ATP11B: variants seen among roughly 807,000 people sequenced by gnomAD.
ATP11B encodes ATPase phospholipid transporting 11B (putative).
ATP11B carries 81 observed loss-of-function variants against 157.8 expected under a neutral mutation model. The ratio of observed to expected loss-of-function variants is 0.51; its 90% confidence interval spans 0.43 to 0.62. The LOEUF (loss-of-function observed/expected upper bound fraction) is 0.62, where lower values mean the gene tolerates loss of function less well. ATP11B is among the 20% of genes least tolerant of loss of function. The pLI is 0.00. For missense variants in ATP11B, 1,165 were observed against 1,402.2 expected, an observed-to-expected ratio of 0.83 and a Z score of 2.70; for synonymous variants, 451 against 469.4, an observed-to-expected ratio of 0.96 and a Z score of 0.51.
chr3:182,841,997 A>AAC, intron 7 of ATP11B, 78 bp from the exon 8 acceptor site: 5 of 911,622 alleles, frequency 5.5e-6, no homozygotes, highest in African/African-American at 1.7e-5. Context: ...AAAAAAAAAA[A>AAC]CAAAGGATGG....
intron 11 of ATP11B, 121 bp downstream of exon 11, chr3:182,858,149 G>C (rs1476838209): frequency 1.2e-6 from 1 of 858,000 alleles, no homozygotes; most frequent in African/African-American, 1.7e-5. Context: ...GTACTGAAGG[G>C]TGACAGAAAT....
At chr3:182,845,004 TTATTTTTTTTTA>T (rs1719373995) in intron 8 of ATP11B, among the ~76,000 whole-genome samples, 1 of 119,346 alleles carries the variant, frequency 8.4e-6, no homozygotes, top group African/African-American at 3.6e-5. Flanking sequence ...ATTTTTTTTT[TTATTTTTTTTTA>T]TTTTTGAGAT....
intron 10 of ATP11B, among the ~76,000 whole-genome samples, chr3:182,848,970 A>T (rs1362738237): frequency 1.3e-5 from 2 of 152,138 alleles, no homozygotes; most frequent in African/African-American, 4.8e-5. Flanking sequence ...GCCTGAGGGC[A>T]CTCCCCAGTT....
intron 25 of ATP11B, among the ~76,000 whole-genome samples, chr3:182,895,626 G>GAC (rs1434905511): frequency 1.3e-5 from 2 of 152,104 alleles, no homozygotes; most frequent in Non-Finnish European, 2.9e-5. Context: ...GTTAAAGAAA[G>GAC]ACACACACAC....
At chr3:182,846,027 G>C (rs2108520085) in intron 9 of ATP11B, among the ~76,000 whole-genome samples, 1 of 152,310 alleles carries the variant, frequency 6.6e-6, no homozygotes, top group African/African-American at 2.4e-5. Flanking sequence ...GGATCAAAAG[G>C]ATGAATAAGT....
intron 1 of ATP11B, among the ~76,000 whole-genome samples, chr3:182,818,777 ATTAC>A (rs1291092695): frequency 6.6e-6 from 1 of 152,180 alleles, no homozygotes; most frequent in African/African-American, 2.4e-5. Flanking sequence ...TGGTAGCCAA[ATTAC>A]TTACGTAGTA....
intron 28 of ATP11B, among the ~76,000 whole-genome samples, chr3:182,910,405 GTC>G (rs1449585700): frequency 6.6e-6 from 1 of 151,930 alleles, no homozygotes; most frequent in Admixed American, 6.6e-5. Context: ...GTAAGACCCT[GTC>G]TCTACTAAAA....
intron 29 of ATP11B, chr3:182,916,568 A>G (rs1406137296): frequency 7.1e-6 from 7 of 985,276 alleles, no homozygotes; most frequent in Non-Finnish European, 8.4e-6. Context: ...GATTTTAGCA[A>G]TAAAAGATTT....
chr3:182,868,950 A>G (rs117690844), intron 15 of ATP11B, 128 bp from the exon 16 acceptor site: 3 of 593,594 alleles, frequency 5.1e-6, no homozygotes, highest in Non-Finnish European at 8.8e-6. Flanking sequence ...ACCTATCATC[A>G]TGAAAATGGT....
At chr3:182,852,686 C>T (rs1345491417) in intron 10 of ATP11B, among the ~76,000 whole-genome samples, 2 of 152,196 alleles carry the variant, frequency 1.3e-5, no homozygotes, top group Admixed American at 6.5e-5. Context: ...CACCCTTACC[C>T]GTCTCCCGCA....
At chr3:182,908,082 G>T (rs1724498262) in intron 28 of ATP11B, among the ~76,000 whole-genome samples, 1 of 150,876 alleles carries the variant, frequency 6.6e-6, no homozygotes, top group African/African-American at 2.4e-5. Flanking sequence ...TGTTATTTAT[G>T]TAACCAGTAG....
At chr3:182,906,790 AAGAAG>A (rs1724391576) in intron 28 of ATP11B, among the ~76,000 whole-genome samples, 1 of 149,828 alleles carries the variant, frequency 6.7e-6, no homozygotes. Flanking sequence ...AAAAAAAAAA[AAGAAG>A]AAGAAGAAGA....
At position 182,887,580 on chromosome 3, in the gene ATP11B, T is replaced by C; in HGVS notation, c.2716-6T>C. On this transcript the variant is annotated splice_polypyrimidine_tract_variant and splice_region_variant and intron_variant, in intron 23 of 29. Transcript: ENST00000323116. ...ACTCAACATTCCTACCAATTTCTCT[T>C]TCTAGACATTGTATGACAGCGTGTA... The C allele has an allele frequency of 6.2e-7, 1 of 1,604,332 alleles. No individual in the cohort carries two copies. The highest frequency in any genetic ancestry group is 8.5e-7 in the Non-Finnish European group (1 of 1,177,006).
intron 3 of ATP11B, among the ~76,000 whole-genome samples, chr3:182,829,434 C>G (rs545048517): frequency 6.6e-6 from 1 of 152,262 alleles, no homozygotes; most frequent in South Asian, 2.1e-4. Context: ...AGTTCCACTC[C>G]TTGGCGAATA....
intron 7 of ATP11B, among the ~76,000 whole-genome samples, chr3:182,838,931 A>C (rs1718780117): frequency 6.6e-6 from 1 of 152,190 alleles, no homozygotes; most frequent in Non-Finnish European, 1.5e-5. Flanking sequence ...ACATACTGAA[A>C]TATAATGTTA....
At position 182,828,214 on chromosome 3, in the gene ATP11B, G is replaced by A. The variant is rs750964232; in HGVS notation, c.234+5G>A. The A allele has an allele frequency of 2.3e-6, 3 of 1,309,260 alleles. No individual in the cohort carries two copies. The highest frequency in any genetic ancestry group is 3.2e-6 in the Non-Finnish European group (3 of 947,560). The allele number at this position is 1,309,260 out of a possible 1,614,324, so 81.1% of individuals were successfully genotyped here. ...CTTATTATATTTTTGGTTCAGGTAA[G>A]CTTTATTACTCAATCTTAAGTTTGT... On this transcript the variant is annotated splice_donor_5th_base_variant and intron_variant, in intron 3 of 29. Coordinates refer to ENST00000323116, the MANE Select transcript of ATP11B (RefSeq NM_014616.3).
At chr3:182,859,411 C>A in intron 12 of ATP11B, 52 bp downstream of exon 12, 2 of 1,421,568 alleles carry the variant, frequency 1.4e-6, no homozygotes, top group Non-Finnish European at 9.5e-7. Context: ...TTTATCAAAG[C>A]AATACATGGA....
At chr3:182,817,274 G>GT (rs1270903311) in intron 1 of ATP11B, among the ~76,000 whole-genome samples, 3,246 of 144,460 alleles carry the variant, frequency 0.022, 110 homozygotes, top group African/African-American at 0.073. Flanking sequence ...TGGGGGGACC[G>GT]TTTTTTTTTT....
chr3:182,801,883 T>C (rs1179802559), intron 1 of ATP11B, among the ~76,000 whole-genome samples: 6 of 152,228 alleles, frequency 3.9e-5, no homozygotes, highest in Non-Finnish European at 8.8e-5. Context: ...GTATTGCTAA[T>C]AAATTTACTA....
Sources: allele counts gnomAD v4.1 joint callset (sites outside exome capture counted in the v4.1 genomes callset), GRCh38; gene constraint gnomAD v4.1.1; transcripts MANE v1.5; gene names NCBI Gene and HGNC (gene_info 2026-07-23, HGNC 2026-07-21).